The following MED13 variants were observed in gnomAD, a reference collection of about 807,000 sequenced individuals.
MED13 encodes mediator of RNA polymerase II transcription subunit 13.
A neutral mutation model predicts 225.2 loss-of-function variants in MED13; 23 were observed. The ratio of observed to expected loss-of-function variants is 0.10; its 90% confidence interval spans 0.07 to 0.14. The LOEUF (loss-of-function observed/expected upper bound fraction) is 0.14, where lower values mean the gene tolerates loss of function less well. Ranked by LOEUF, MED13 falls within the 10% of genes least tolerant of loss-of-function variation. The pLI is 1.00. For synonymous variants in MED13, 942 were observed against 889.2 expected (o/e 1.06, Z -1.06); for missense variants, 2,197 against 2,594.5 (o/e 0.85, Z 3.33).
chr17:61,959,517 C>T lies in MED13; in HGVS notation c.5480+1350G>A, dbSNP rs769951736. 2.6e-4 allele frequency among the ~76,000 whole-genome samples: 40 copies of T among 151,606 alleles called. 1 individual carries two copies. The highest frequency in any genetic ancestry group is 4.2e-4 in the South Asian group (2 of 4,796). ...AAAATTGTATCAAGGAAATAAGATA[C>T]GAAGCACTGTTCTAAGGTTTATAAT... On this transcript the variant is annotated intron_variant, in intron 23 of 29. Coordinates refer to ENST00000397786, the MANE Select transcript of MED13 (RefSeq NM_005121.3).
chr17:61,957,924 G>A (rs967773624), intron 23 of MED13, among the ~76,000 whole-genome samples: 4 of 152,074 alleles, frequency 2.6e-5, no homozygotes, highest in Non-Finnish European at 4.4e-5. Context: ...GAGTGCAGTG[G>A]TGCGATCTCA....
rs1438733633 is a variant in MED13 at position 62,010,646 on chromosome 17, T to C, written c.1871A>G (p.Lys624Arg). The C allele has an allele frequency of 1.3e-6, 2 of 1,499,600 alleles. No individual in the cohort carries two copies. Among genetic ancestry groups the C allele is most frequent in the South Asian group, 1.4e-5 (1 of 70,478 alleles). The allele number at this position is 1,499,600 out of a possible 1,614,324, so 92.9% of individuals were successfully genotyped here. ...AWKYYKFPKK[K>R]DVEFLPPQLP... ...TTGAGGTGGTAAAAACTCTACATCT[T>C]TTTTCTTTGGGAACTTGTAATACTT... The change falls in exon 9 of 30, where the codon AAA becomes AGA. Residue 624 changes from lysine to arginine, a missense_variant. Transcript: ENST00000397786.
chr17:62,039,031 A>T (rs1473624786), intron 3 of MED13, among the ~76,000 whole-genome samples: 3 of 152,160 alleles, frequency 2.0e-5, no homozygotes, highest in Non-Finnish European at 2.9e-5. Flanking sequence ...TAAAGGGATA[A>T]ATTGGTCTCC....
At chr17:61,973,986 AAAAAAC>A (rs796790534) in intron 16 of MED13, among the ~76,000 whole-genome samples, 18 of 152,294 alleles carry the variant, frequency 1.2e-4, no homozygotes, top group South Asian at 6.2e-4. Flanking sequence ...CTGTTGTCTC[AAAAAAC>A]AAAAACAAAA....
intron 8 of MED13, among the ~76,000 whole-genome samples, chr17:62,024,034 T>TTC (rs1351565909): frequency 6.6e-6 from 1 of 152,148 alleles, no homozygotes; most frequent in East Asian, 1.9e-4. Context: ...TTTTTTTTTT[T>TTC]TGAGACGGAG....
chr17:61,991,045 C>T (rs2080293910), intron 11 of MED13, among the ~76,000 whole-genome samples: 2 of 152,150 alleles, frequency 1.3e-5, no homozygotes, highest in Non-Finnish European at 2.9e-5. Context: ...AACTTTAAAA[C>T]ATTTTACTCC....
rs201549270 is a variant in MED13, at chr17:62,011,069, C to T, written c.1448G>A (p.Ser483Asn). The T allele has an allele frequency of 4.2e-5, 68 of 1,614,116 alleles. No homozygotes were observed. The highest frequency in any genetic ancestry group is 5.6e-5 in the Non-Finnish European group (66 of 1,180,042). Reference sequence around the variant, plus strand: ...ATCTGCGTCCATGCCAACATCATCACTAACAGACACACGATGGTGAAAAGG... The same window carrying T: ...ATCTGCGTCCATGCCAACATCATCATTAACAGACACACGATGGTGAAAAGG... Reference protein sequence around the residue: ...LTPFHHRVSVSDDVGMDADSA... With the variant: ...LTPFHHRVSVNDDVGMDADSA... Residue 483 changes from serine (S) to asparagine (N), a missense_variant, in exon 9 of 30, where the codon AGT (serine) becomes AAT (asparagine). Around this residue, in one of 12 missense-constraint regions of MED13, gnomAD observed 884 missense variants for 918.5 expected, o/e 0.96. Coordinates refer to ENST00000397786, the MANE Select transcript of MED13 (RefSeq NM_005121.3).
At chr17:62,063,625 T>C (rs1384137649) in intron 1 of MED13, among the ~76,000 whole-genome samples, 2 of 152,222 alleles carry the variant, frequency 1.3e-5, no homozygotes, top group Non-Finnish European at 2.9e-5. Context: ...CTGTCCTAAC[T>C]GGTCACATTT....
chr17:61,961,493 C>G, intron 22 of MED13, 95 bp downstream of exon 22: 1 of 1,170,810 alleles, frequency 8.5e-7, no homozygotes, highest in Non-Finnish European at 1.2e-6. Flanking sequence ...GCACTCCAGC[C>G]TGGGTGACAA....
chr17:61,980,862 C>T (rs1397055403), intron 16 of MED13, among the ~76,000 whole-genome samples: 14 of 151,900 alleles, frequency 9.2e-5, no homozygotes, highest in Admixed American at 9.2e-4. Flanking sequence ...TCTGCCTTGG[C>T]CTCCTGAGCA....
chr17:62,047,350 G>A (rs1249164218), intron 3 of MED13, among the ~76,000 whole-genome samples: 6 of 152,142 alleles, frequency 3.9e-5, no homozygotes, highest in Non-Finnish European at 2.9e-5. Flanking sequence ...CACCCTGGGC[G>A]ATAGAGCAAG....
chr17:62,034,410 C>A (rs1449413292), intron 4 of MED13, among the ~76,000 whole-genome samples: 2 of 151,532 alleles, frequency 1.3e-5, no homozygotes, highest in African/African-American at 4.9e-5. Context: ...CTGCTTGAAC[C>A]CGGGAGGCAG....
intron 8 of MED13, among the ~76,000 whole-genome samples, chr17:62,013,899 C>A (rs1408910558): frequency 2.0e-5 from 3 of 151,572 alleles, no homozygotes; most frequent in Non-Finnish European, 4.4e-5. Context: ...ATTAGCTGGG[C>A]GTGGTGGTGG....
At chr17:61,966,731 G>T in intron 18 of MED13, 80 bp from the exon 19 acceptor site, 2 of 943,992 alleles carry the variant, frequency 2.1e-6, no homozygotes, top group Non-Finnish European at 2.9e-6. Context: ...AACCATGAAA[G>T]CTACTTAAAA....
chr17:62,015,952 ATATTTTTTTTTTTTT>A (rs1311828410), intron 8 of MED13, among the ~76,000 whole-genome samples: 10 of 10,630 alleles, frequency 9.4e-4, no homozygotes, highest in African/African-American at 2.9e-3. Flanking sequence ...ATATATATAT[ATATTTTTTTTTTTTT>A]TTTTTTTTTT....
chr17:62,063,538 C>G (rs1283712567), intron 1 of MED13, among the ~76,000 whole-genome samples: 1 of 152,094 alleles, frequency 6.6e-6, no homozygotes, highest in African/African-American at 2.4e-5. Flanking sequence ...AATATGTACT[C>G]CAAGTAGAAA....
chr17:62,025,395 T>C (rs1406483703), intron 8 of MED13, among the ~76,000 whole-genome samples: 1 of 152,188 alleles, frequency 6.6e-6, no homozygotes, highest in African/African-American at 2.4e-5. Context: ...TGGCTGGGCA[T>C]GGTGGCTCAC....
At chr17:62,017,520 G>C (rs1377352517) in intron 8 of MED13, among the ~76,000 whole-genome samples, 1 of 152,066 alleles carries the variant, frequency 6.6e-6, no homozygotes, top group Non-Finnish European at 1.5e-5. Context: ...CTTTTCAGGG[G>C]CTACAGGGGT....
intron 5 of MED13, among the ~76,000 whole-genome samples, chr17:62,033,119 C>T (rs2080772208): frequency 6.6e-6 from 1 of 151,978 alleles, no homozygotes; most frequent in South Asian, 2.1e-4. Context: ...CGCCATTGCA[C>T]TCCAGCCTGG....
Sources: gnomAD v4.1 joint callset for allele counts (sites outside exome capture counted in the v4.1 genomes callset) on GRCh38, gnomAD v4.1.1 for gene constraint, gnomAD v4.1.1 regional missense constraint, MANE v1.5 for transcripts, NCBI Gene and HGNC (gene_info 2026-07-23, HGNC 2026-07-21) for gene names.